The following EYA1 variants were observed in gnomAD, a reference collection of about 807,000 sequenced individuals.
The protein encoded by EYA1 is EYA transcriptional coactivator and phosphatase 1, also known as protein phosphatase EYA1.
A neutral mutation model predicts 82.0 loss-of-function variants in EYA1; 16 were observed. The observed-to-expected ratio is 0.20, with a 90% confidence interval of 0.13 to 0.30. EYA1 has a LOEUF of 0.30. EYA1 is among the 10% of genes least tolerant of loss of function. EYA1 has a pLI of 1.00. For missense variants in EYA1, 633 were observed against 730.7 expected, an observed-to-expected ratio of 0.87 and a Z score of 1.54; for synonymous variants, 261 against 264.4, an observed-to-expected ratio of 0.99 and a Z score of 0.12.
At chr8:71,448,006 G>A (rs1043171570) in intron 2 of EYA1, among the ~76,000 whole-genome samples, 2 of 85,152 alleles carry the variant, frequency 2.3e-5, no homozygotes, top group South Asian at 3.6e-4. Context: ...AGCTGTTTAA[G>A]AGCTTTTTTT....
intron 17 of EYA1, chr8:71,199,847 T>G (rs1203387588): frequency 5.0e-6 from 1 of 198,420 alleles, no homozygotes; most frequent in Non-Finnish European, 1.0e-5. Flanking sequence ...AACTTTTAAT[T>G]GTGGCTCACA....
At chr8:71,472,792 T>G (rs867909274) in intron 2 of EYA1, among the ~76,000 whole-genome samples, 9,673 of 144,036 alleles carry the variant, frequency 0.067, 417 homozygotes, top group South Asian at 0.18. Flanking sequence ...TTTGAAGATA[T>G]ATATATATAT....
At chr8:71,378,268 A>T (rs1057193203) in intron 2 of EYA1, among the ~76,000 whole-genome samples, 1 of 152,094 alleles carries the variant, frequency 6.6e-6, no homozygotes, top group Admixed American at 6.5e-5. Flanking sequence ...AGAAGATATG[A>T]TGTAAGGGAA....
intron 7 of EYA1, among the ~76,000 whole-genome samples, chr8:71,303,058 C>A (rs1820366680): frequency 1.4e-5 from 2 of 142,330 alleles, no homozygotes; most frequent in South Asian, 4.6e-4. Context: ...CCCTAGTAAA[C>A]CAACATGCAG....
chr8:71,420,645 G>A (rs1216209776), intron 2 of EYA1, among the ~76,000 whole-genome samples: 2 of 152,118 alleles, frequency 1.3e-5, no homozygotes, highest in African/African-American at 4.8e-5. Flanking sequence ...AAAATTGATA[G>A]CTGAGTCATG....
At chr8:71,376,360 G>C (rs778368324) in intron 2 of EYA1, among the ~76,000 whole-genome samples, 8 of 152,164 alleles carry the variant, frequency 5.3e-5, no homozygotes, top group Admixed American at 2.0e-4. Context: ...GCCAGATAAA[G>C]AGTGGGATTT....
chr8:71,392,393 A>G (rs1295920137), intron 2 of EYA1, among the ~76,000 whole-genome samples: 1 of 152,184 alleles, frequency 6.6e-6, no homozygotes, highest in Non-Finnish European at 1.5e-5. Context: ...GGTTAAAGCC[A>G]TGACAGGAAA....
intron 9 of EYA1, among the ~76,000 whole-genome samples, chr8:71,289,283 G>A (rs1222001437): frequency 6.6e-6 from 1 of 152,100 alleles, no homozygotes; most frequent in African/African-American, 2.4e-5. Context: ...TCAGCTGTTG[G>A]ATTATCCAAG....
intron 2 of EYA1, among the ~76,000 whole-genome samples, chr8:71,464,125 T>A (rs1808609835): frequency 6.6e-6 from 1 of 152,164 alleles, no homozygotes; most frequent in Admixed American, 6.5e-5. Flanking sequence ...ACTCACCCTA[T>A]TACCCTCCTC....
At chr8:71,509,126 G>A (rs1028316541) in intron 2 of EYA1, among the ~76,000 whole-genome samples, 9 of 151,964 alleles carry the variant, frequency 5.9e-5, no homozygotes, top group Non-Finnish European at 1.5e-5. Context: ...GGAGGTGGAG[G>A]GTAGAGGCCA....
At chr8:71,523,829 T>A (rs971910892) in intron 2 of EYA1, among the ~76,000 whole-genome samples, 1 of 152,202 alleles carries the variant, frequency 6.6e-6, no homozygotes, top group African/African-American at 2.4e-5. Flanking sequence ...ATATCAATTT[T>A]GAGATACCAT....
At chr8:71,231,871 T>A (rs1811238775) in intron 12 of EYA1, among the ~76,000 whole-genome samples, 1 of 152,210 alleles carries the variant, frequency 6.6e-6, no homozygotes, top group African/African-American at 2.4e-5. Context: ...CAACTATGGC[T>A]TGCAGGTTTG....
chr8:71,404,256 A>G (rs1249417928), intron 2 of EYA1: 1 of 152,238 alleles, frequency 6.6e-6, no homozygotes, highest in Admixed American at 6.5e-5. Flanking sequence ...TAGTCATTGA[A>G]AAGCCCCAGC....
chr8:71,480,064 A>G (rs7008440), intron 2 of EYA1, among the ~76,000 whole-genome samples: 21,781 of 151,980 alleles, frequency 0.14, 2,758 homozygotes, highest in East Asian at 0.47. Flanking sequence ...ATCTTGTTCT[A>G]ATTTCTTTCA....
intron 7 of EYA1, among the ~76,000 whole-genome samples, chr8:71,315,157 G>A (rs1821771815): frequency 6.6e-6 from 1 of 151,860 alleles, no homozygotes; most frequent in South Asian, 2.1e-4. Flanking sequence ...TTCACAGACT[G>A]ACAACTGAGC....
At chr8:71,543,358 G>T (rs750338735) in intron 1 of EYA1, among the ~76,000 whole-genome samples, 3 of 152,146 alleles carry the variant, frequency 2.0e-5, no homozygotes, top group Non-Finnish European at 2.9e-5. Context: ...AAAGTGTACT[G>T]TATCTCAAGG....
At chr8:71,366,143 A>G (rs1268826287), upstream of EYA1, among the ~76,000 whole-genome samples, 3 of 147,640 alleles carry the variant, frequency 2.0e-5, no homozygotes, top group Admixed American at 2.1e-4. Flanking sequence ...ATGGCTGCCT[A>G]TCAGATTTTT....
At chr8:71,485,029 C>A (rs759246560) in intron 2 of EYA1, among the ~76,000 whole-genome samples, 9 of 152,206 alleles carry the variant, frequency 5.9e-5, no homozygotes, top group Non-Finnish European at 1.0e-4. Context: ...TATTCATAAG[C>A]AGGACTAGAG....
intron 4 of EYA1, among the ~76,000 whole-genome samples, chr8:71,326,400 T>C (rs10104134): frequency 0.51 from 77,838 of 151,830 alleles, 21,443 homozygotes; most frequent in East Asian, 0.76. Context: ...CCCCAAACCT[T>C]ACAACTTCTC....
Sources: gnomAD v4.1 joint callset for allele counts (sites outside exome capture counted in the v4.1 genomes callset) on GRCh38, gnomAD v4.1.1 for gene constraint, MANE v1.5 for transcripts, NCBI Gene and HGNC (gene_info 2026-07-23, HGNC 2026-07-21) for gene names.